UBAC2: variants seen among roughly 807,000 people sequenced by gnomAD.
UBAC2 encodes the protein UBA domain containing 2, also known as ubiquitin-associated domain-containing protein 2.
A neutral mutation model predicts 44.0 loss-of-function variants in UBAC2; 26 were observed. The observed-to-expected ratio is 0.59, with a 90% CI of 0.43 to 0.82. UBAC2 has a LOEUF of 0.82. UBAC2 is among the 40% of genes least tolerant of loss of function. UBAC2 has a pLI of 0.00. For synonymous variants in UBAC2, 155 were observed against 154.3 expected, an observed-to-expected ratio of 1.00 and a Z score of -0.04; for missense variants, 329 against 419.4, an observed-to-expected ratio of 0.78 and a Z score of 1.88.
intron 7 of UBAC2, among the ~76,000 whole-genome samples, chr13:99,341,236 C>G (rs1186989674): frequency 6.6e-6 from 1 of 152,178 alleles, no homozygotes; most frequent in Non-Finnish European, 1.5e-5. Flanking sequence ...CCATTTTTCG[C>G]CTCCACCTTC....
intron 8 of UBAC2, among the ~76,000 whole-genome samples, chr13:99,382,852 G>A (rs1383465412): frequency 6.6e-6 from 1 of 152,198 alleles, no homozygotes; most frequent in African/African-American, 2.4e-5. Context: ...AGGGCAGAGG[G>A]CAGAGACAGC....
intron 4 of UBAC2, chr13:99,255,978 C>T: frequency 9.3e-7 from 1 of 1,071,300 alleles, no homozygotes; most frequent in Non-Finnish European, 1.3e-6. Context: ...TTCTCCCACT[C>T]AGCTTGACTG....
chr13:99,206,800 C>G (rs1246458004), intron 1 of UBAC2, among the ~76,000 whole-genome samples: 1 of 152,232 alleles, frequency 6.6e-6, no homozygotes, highest in Non-Finnish European at 1.5e-5. Context: ...CGGCTCAAGG[C>G]TATTCTCAGT....
intron 7 of UBAC2, among the ~76,000 whole-genome samples, chr13:99,346,176 C>G (rs572924988): frequency 1.3e-5 from 2 of 152,368 alleles, no homozygotes; most frequent in Admixed American, 1.3e-4. Flanking sequence ...CATGTCCTTC[C>G]TGCCTTCCCC....
intron 2 of UBAC2, among the ~76,000 whole-genome samples, chr13:99,239,081 T>G (rs2142727879): frequency 6.6e-6 from 1 of 152,382 alleles, no homozygotes; most frequent in Middle Eastern, 3.4e-3. Context: ...ACTGGGTTCT[T>G]GTCTATGAAT....
intron 6 of UBAC2, among the ~76,000 whole-genome samples, chr13:99,337,979 A>G (rs2044815499): frequency 6.6e-6 from 1 of 151,130 alleles, no homozygotes; most frequent in Admixed American, 6.6e-5. Flanking sequence ...AATATACACT[A>G]ACACTGAAGA....
rs766333231 is a variant in UBAC2 at position 99,201,586 on chromosome 13, T to C, written c.31+647T>C. On this transcript the variant is annotated intron_variant, in intron 1 of 8. Coordinates refer to ENST00000403766, the MANE Select transcript of UBAC2 (RefSeq NM_001144072.2). ...TCAGCAGGTAGGGGGCGGAGTATTTTTACAGCCAGTTAAACGGCTTTTCTC... is the reference window on the plus strand; with the variant it reads ...TCAGCAGGTAGGGGGCGGAGTATTTCTACAGCCAGTTAAACGGCTTTTCTC... 8 of 1,613,002 alleles carry C rather than the reference T, an allele frequency of 5.0e-6. No homozygotes were observed. In the African/African-American group the frequency reaches 1.1e-4, roughly 22 times the overall value.
At chr13:99,279,722 A>G (rs2043928687) in intron 4 of UBAC2, among the ~76,000 whole-genome samples, 1 of 152,218 alleles carries the variant, frequency 6.6e-6, no homozygotes, top group Admixed American at 6.5e-5. Context: ...AGGCACTGGC[A>G]GATTTGGTGT....
At chr13:99,262,422 G>A (rs2043676647) in intron 4 of UBAC2, among the ~76,000 whole-genome samples, 1 of 152,308 alleles carries the variant, frequency 6.6e-6, no homozygotes, top group Admixed American at 6.5e-5. Flanking sequence ...AAAGAGGAGG[G>A]CTGGGCACGG....
chr13:99,204,645 T>A (rs1055448865), intron 1 of UBAC2, among the ~76,000 whole-genome samples: 3 of 152,092 alleles, frequency 2.0e-5, no homozygotes, highest in Non-Finnish European at 4.4e-5. Context: ...CATTACACGC[T>A]GCAGAGATTT....
intron 1 of UBAC2, among the ~76,000 whole-genome samples, chr13:99,235,468 G>A (rs1300859028): frequency 6.6e-6 from 1 of 152,066 alleles, no homozygotes; most frequent in Non-Finnish European, 1.5e-5. Context: ...ATTCTGAGTA[G>A]CCAAAATAAT....
chr13:99,248,621 G>A (rs1243498946), intron 4 of UBAC2, among the ~76,000 whole-genome samples: 1 of 152,214 alleles, frequency 6.6e-6, no homozygotes, highest in African/African-American at 2.4e-5. Context: ...GACCTCAGGT[G>A]ATCGACCTGC....
chr13:99,201,651 G>C (rs2042802005), intron 1 of UBAC2: 2 of 1,455,268 alleles, frequency 1.4e-6, no homozygotes, highest in Admixed American at 2.0e-5. Flanking sequence ...GGTAGACTGC[G>C]TGTTAACAGT....
chr13:99,238,255 CTT>C (rs1566461493), intron 1 of UBAC2, among the ~76,000 whole-genome samples, 170 bp from the exon 2 acceptor site: 1 of 152,234 alleles, frequency 6.6e-6, no homozygotes, highest in East Asian at 1.9e-4. Context: ...CTTTTGATCA[CTT>C]ACATCCCCAG....
intron 1 of UBAC2, among the ~76,000 whole-genome samples, chr13:99,230,484 A>C (rs1371115753): frequency 6.6e-6 from 1 of 152,078 alleles, no homozygotes; most frequent in Non-Finnish European, 1.5e-5. Context: ...TAAATAAATA[A>C]ATAAAACAAA....
At position 99,273,576 on chromosome 13, in the gene UBAC2, TC is replaced by T. The variant is rs1283348130; in HGVS notation, c.389+28953del. Among the ~76,000 whole-genome samples the T allele has an allele frequency of 3.3e-5, 5 of 152,256 alleles. No homozygotes were observed. In the East Asian group the frequency reaches 7.8e-4, roughly 24 times the overall value. ...TGCTATCTCTTGGTAGGTACCTACC[TC>T]TTAAGGTAGGTACCTTGCAGTGTGG... On this transcript the variant is annotated intron_variant, in intron 4 of 8. Coordinates refer to ENST00000403766, the MANE Select transcript of UBAC2 (RefSeq NM_001144072.2).
At chr13:99,370,143 G>A (rs546990338) in intron 8 of UBAC2, among the ~76,000 whole-genome samples, 16 of 152,318 alleles carry the variant, frequency 1.1e-4, no homozygotes, top group African/African-American at 3.1e-4. Context: ...TACCGACCGT[G>A]GTTAGGAAAG....
At chr13:99,304,823 A>C (rs1455981699) in intron 4 of UBAC2, among the ~76,000 whole-genome samples, 1 of 152,240 alleles carries the variant, frequency 6.6e-6, no homozygotes, top group Non-Finnish European at 1.5e-5. Context: ...AGTCACATTC[A>C]GTACAATACA....
At chr13:99,314,265 T>A in intron 5 of UBAC2, 45 bp downstream of exon 5, 1 of 1,372,034 alleles carries the variant, frequency 7.3e-7, no homozygotes, top group Non-Finnish European at 9.7e-7. Context: ...ACCAGATCTT[T>A]TTTTTTTTTT....
Sources: gnomAD v4.1 joint callset for allele counts (sites outside exome capture counted in the v4.1 genomes callset) on GRCh38, gnomAD v4.1.1 for gene constraint, MANE v1.5 for transcripts, NCBI Gene and HGNC (gene_info 2026-07-23, HGNC 2026-07-21) for gene names.